CAPN2: variants seen among roughly 807,000 people sequenced by gnomAD.
The protein encoded by CAPN2 is calpain-2 catalytic subunit.
A neutral mutation model predicts 102.3 loss-of-function variants in CAPN2; 92 were observed. The observed-to-expected ratio is 0.90, with a 90% CI of 0.76 to 1.07. The LOEUF (loss-of-function observed/expected upper bound fraction) is 1.07, where lower values mean the gene tolerates loss of function less well. CAPN2 is among the 50% of genes least tolerant of loss of function. The probability of loss-of-function intolerance (pLI) is 0.00; values close to 1 mark genes in which losing one functional copy is unlikely to be tolerated. For missense variants in CAPN2, 800 were observed against 909.4 expected (o/e 0.88, Z 1.55); for synonymous variants, 340 against 355.4 (o/e 0.96, Z 0.49).
At chr1:223,715,281 TAAG>T (rs1274510293) in intron 1 of CAPN2, among the ~76,000 whole-genome samples, 16 of 151,976 alleles carry the variant, frequency 1.1e-4, no homozygotes, top group African/African-American at 3.4e-4. Context: ...AACTGGAAAT[TAAG>T]AACATGATCA....
rs1305823776 is a variant in CAPN2, at chr1:223,750,957, C to T, written c.881C>T (p.Thr294Ile). Residue 294 changes from threonine to isoleucine, a missense_variant, in exon 7 of 21, where the codon ACA (threonine) becomes ATA (isoleucine). Transcript: ENST00000295006. ...IRNPWGEVEW[T>I]GRWNDNCPSW... ...AATCCCTGGGGAGAAGTGGAGTGGA[C>T]AGGGCGGTGGAATGACAAGTGAGGA... The T allele has an allele frequency of 4.5e-6, 7 of 1,551,914 alleles. No homozygotes were observed. In the African/African-American group the frequency reaches 6.8e-5, roughly 15 times the overall value.
At chr1:223,774,813 T>G in intron 20 of CAPN2, 21 bp from the exon 21 acceptor site, 12 of 1,606,502 alleles carry the variant, frequency 7.5e-6, no homozygotes, top group Non-Finnish European at 1.0e-5. Context: ...TGAGCTGACT[T>G]TTTTTTTTCC....
chr1:223,749,544 C>T, intron 6 of CAPN2: 1 of 188,204 alleles, frequency 5.3e-6, no homozygotes, highest in Non-Finnish European at 1.1e-5. Context: ...TGGCCTGGGC[C>T]AATTACTGGA....
At chr1:223,769,799 C>T in intron 16 of CAPN2, 42 bp from the exon 17 acceptor site, 1 of 1,506,066 alleles carries the variant, frequency 6.6e-7, no homozygotes, top group Non-Finnish European at 9.1e-7. Context: ...ACACTATGTG[C>T]AAATGGACCC....
Position 223,771,817 on chromosome 1 carries a change from A to C in CAPN2, c.1912A>C (p.Met638Leu). 4 of 1,609,606 alleles carry C rather than the reference A, an allele frequency of 2.5e-6. No homozygotes were observed. The highest frequency in any genetic ancestry group is 3.4e-6 in the Non-Finnish European group (4 of 1,175,834). The change falls in exon 19 of 21, where the codon ATG (methionine) becomes CTG (leucine). Residue 638 changes from methionine (M) to leucine (L), a missense_variant. Physicochemically the swap from Met to Leu is conservative, Grantham distance 15. Transcript: ENST00000295006. ...RKALEEAGFK[M>L]PCQLHQVIVA... is the part of the protein sequence containing the mutation. ...TGTTCATGTAACTTCAGGTTTCAAGATGCCCTGTCAACTCCACCAAGTCAT... is the reference window on the plus strand; with the variant it reads ...TGTTCATGTAACTTCAGGTTTCAAGCTGCCCTGTCAACTCCACCAAGTCAT...
chr1:223,744,269 G>A, intron 3 of CAPN2, 51 bp downstream of exon 3: 1 of 1,180,734 alleles, frequency 8.5e-7, no homozygotes, highest in Non-Finnish European at 1.3e-6. Context: ...AGGGGGCTAG[G>A]AACAGTCTTC....
In CAPN2 at chr1:223,745,359, C is replaced by T. The variant is rs17597; in HGVS notation, c.480C>T (p.Thr160=). 0.079 allele frequency: 126,878 copies of T among 1,614,026 alleles called. 5,488 individuals carry two copies. Among genetic ancestry groups the T allele is most frequent in the Non-Finnish European group, 0.089 (104,644 of 1,179,942 alleles). Residue 160 remains threonine, a synonymous_variant, in exon 4 of 21, where the codon ACC becomes ACT. Transcript: ENST00000295006. ...TGGTGGTGGATGACAGGCTGCCCAC[C>T]AAGGACGGGGAGCTGCTCTTTGTGC... ...VEVVVDDRLP[T]KDGELLFVHS...
intron 7 of CAPN2, among the ~76,000 whole-genome samples, chr1:223,751,412 G>A (rs890865903): frequency 2.6e-5 from 4 of 152,204 alleles, no homozygotes; most frequent in African/African-American, 9.7e-5. Context: ...CAACTATTTG[G>A]GGTAAACACT....
At chr1:223,750,866 C>T (rs1339104765) in intron 6 of CAPN2, 24 bp from the exon 7 acceptor site, 7 of 1,549,132 alleles carry the variant, frequency 4.5e-6, no homozygotes, top group Non-Finnish European at 5.2e-6. Context: ...ACCTCTTACT[C>T]CTCCCTTTTA....
chr1:223,718,357 A>T (rs926682081), intron 2 of CAPN2, among the ~76,000 whole-genome samples: 1 of 152,258 alleles, frequency 6.6e-6, no homozygotes, highest in Non-Finnish European at 1.5e-5. Context: ...TCACCATGGT[A>T]TCACAGTTGT....
In CAPN2 at chr1:223,744,084, T is replaced by C; in HGVS notation, c.308-16T>C. On this transcript the variant is annotated splice_polypyrimidine_tract_variant and intron_variant, in intron 2 of 20. Transcript: ENST00000295006. ...CTAAGACCCTCTGATAAGAGCTCCTTGTGCTGTGTTCACAGGTGACTGCTG... is the reference window on the plus strand; with the variant it reads ...CTAAGACCCTCTGATAAGAGCTCCTCGTGCTGTGTTCACAGGTGACTGCTG... 1 of 1,547,456 alleles carries C rather than the reference T, an allele frequency of 6.5e-7. No individual in the cohort carries two copies. The highest frequency in any genetic ancestry group is 8.9e-7 in the Non-Finnish European group (1 of 1,119,348).
Position 223,759,420 on chromosome 1 carries a change from G to A in CAPN2, c.1468G>A (p.Glu490Lys), listed in dbSNP as rs748221029. 4.5e-5 allele frequency: 72 copies of A among 1,613,962 alleles called. No individual in the cohort carries two copies. The South Asian group carries it at 7.1e-4, about 16-fold the overall frequency. ...GEYILVPSTF[E>K]PNKDGDFCIR... ...GTACATTCTCGTGCCTTCCACCTTCGAACCCAACAAGGATGGGGATTTCTG... is the reference window on the plus strand; with the variant it reads ...GTACATTCTCGTGCCTTCCACCTTCAAACCCAACAAGGATGGGGATTTCTG... The change falls in exon 12 of 21, where the codon GAA (glutamate) becomes AAA (lysine). Residue 490 changes from glutamate (E) to lysine (K), a missense_variant. Coordinates refer to ENST00000295006, the MANE Select transcript of CAPN2 (RefSeq NM_001748.5). This position sits in a 1 kb window ranked among gnomAD's most constrained non-coding sequence, Gnocchi z 4.6.
chr1:223,757,270 G>A, intron 10 of CAPN2, 99 bp from the exon 11 acceptor site: 1 of 1,309,790 alleles, frequency 7.6e-7, no homozygotes, highest in Non-Finnish European at 1.1e-6. Flanking sequence ...TATTGCTAAT[G>A]CTACAGAGAA....
At chr1:223,746,091 G>A (rs772011411) in intron 4 of CAPN2, among the ~76,000 whole-genome samples, 6 of 152,140 alleles carry the variant, frequency 3.9e-5, no homozygotes, top group Admixed American at 6.5e-5. Context: ...TGGCTGTGCC[G>A]CCCGGCTCCT....
At chr1:223,704,714 T>C (rs553881027) in intron 1 of CAPN2, among the ~76,000 whole-genome samples, 1 of 152,166 alleles carries the variant, frequency 6.6e-6, no homozygotes, top group Non-Finnish European at 1.5e-5. Context: ...TAATGAGATG[T>C]CACTGGGCTC....
At chr1:223,704,385 G>T (rs1659555247) in intron 1 of CAPN2, among the ~76,000 whole-genome samples, 1 of 152,196 alleles carries the variant, frequency 6.6e-6, no homozygotes, top group South Asian at 2.1e-4. Context: ...AAACGCCTCA[G>T]TCGCCTAGGG....
At chr1:223,742,535 T>G (rs1397810350) in intron 2 of CAPN2, among the ~76,000 whole-genome samples, 18 of 132,294 alleles carry the variant, frequency 1.4e-4, no homozygotes, top group African/African-American at 6.0e-4. Context: ...TTTTTTTTTT[T>G]GAGACAGGGT....
intron 2 of CAPN2, among the ~76,000 whole-genome samples, chr1:223,733,267 G>A (rs1218774555): frequency 2.0e-5 from 3 of 152,044 alleles, no homozygotes; most frequent in East Asian, 1.9e-4. Flanking sequence ...CAGCAGTAGC[G>A]GAAGGGAAAG....
At chr1:223,724,496 T>C (rs147341025) in intron 2 of CAPN2, among the ~76,000 whole-genome samples, 176 of 152,360 alleles carry the variant, frequency 1.2e-3, no homozygotes, top group African/African-American at 3.8e-3. Flanking sequence ...ACTTGAAATA[T>C]GACTCATGCA....
Sources: allele counts gnomAD v4.1 joint callset (sites outside exome capture counted in the v4.1 genomes callset), GRCh38; gene constraint gnomAD v4.1.1; non-coding constraint Gnocchi (gnomAD v3.1); transcripts MANE v1.5; gene names NCBI Gene and HGNC (gene_info 2026-07-23, HGNC 2026-07-21).